Variants in KCNC2 observed in about 807,000 individuals in gnomAD.
KCNC2 encodes the protein voltage-gated potassium channel KCNC2.
In KCNC2, 21 loss-of-function variants were observed where a neutral mutation model predicts 44.5. The ratio of observed to expected loss-of-function variants is 0.47; its 90% confidence interval spans 0.33 to 0.68. KCNC2 has a LOEUF of 0.68. KCNC2 is among the 30% of genes least tolerant of loss of function. The pLI, the probability that KCNC2 is intolerant of heterozygous loss-of-function variation, is 0.01. For missense variants in KCNC2, 589 were observed against 826.2 expected, an observed-to-expected ratio of 0.71 and a Z score of 3.52; for synonymous variants, 391 against 339.1, an observed-to-expected ratio of 1.15 and a Z score of -1.68.
In KCNC2 at chr12:75,050,988, A is replaced by G. The variant is rs1380631653; in HGVS notation, c.1017T>C (p.Ala339=). 1.9e-6 allele frequency: 3 copies of G among 1,613,880 alleles called. No individual in the cohort carries two copies. Among genetic ancestry groups the G allele is most frequent in the Non-Finnish European group, 2.5e-6 (3 of 1,179,872 alleles). ...EVGLSGLSSK[A]AKDVLGFLRV... is the part of the protein sequence containing the mutation. ...TGAGGAAGCCAAGCACATCTTTAGC[A>G]GCTTTGGATGACAGCCCACTGAGTC... The change falls in exon 3 of 5, where the codon GCT becomes GCC. Residue 339 remains alanine (A), a synonymous_variant. Coordinates refer to ENST00000549446, the MANE Select transcript of KCNC2 (RefSeq NM_139137.4).
intron 2 of KCNC2, among the ~76,000 whole-genome samples, chr12:75,062,749 T>A (rs1191516505): frequency 1.3e-5 from 2 of 152,040 alleles, no homozygotes; most frequent in African/African-American, 4.8e-5. Context: ...TTGTCCTTGA[T>A]ATAGAGACAA....
At chr12:75,045,258 T>C (rs1242778120) in intron 4 of KCNC2, among the ~76,000 whole-genome samples, 1 of 151,998 alleles carries the variant, frequency 6.6e-6, no homozygotes, top group Non-Finnish European at 1.5e-5. Context: ...CCCAGAAAGA[T>C]AAAATTCTCT....
At chr12:75,084,412 C>T (rs762701658) in intron 2 of KCNC2, among the ~76,000 whole-genome samples, 1 of 151,858 alleles carries the variant, frequency 6.6e-6, no homozygotes, top group Non-Finnish European at 1.5e-5. Context: ...AGAATTCCCA[C>T]GTGTTGCAGG....
rs17114707 is a variant in KCNC2 at position 75,128,923 on chromosome 12, C to A, written c.688-77606G>T. Among the ~76,000 whole-genome samples, 203 of 152,276 alleles carry A rather than the reference C, an allele frequency of 1.3e-3. 1 individual carries two copies. The highest frequency in any genetic ancestry group is 4.6e-3 in the African/African-American group (193 of 41,554). On this transcript the variant is annotated intron_variant, in intron 2 of 4. Coordinates refer to ENST00000549446, the MANE Select transcript of KCNC2 (RefSeq NM_139137.4). ...TCTCAGCATTTCAATTGATATTGAT[C>A]CCTGAAACTAAGGTCAGGCTGTCAC...
At chr12:75,196,522 A>T (rs143518505) in intron 2 of KCNC2, among the ~76,000 whole-genome samples, 161 of 152,226 alleles carry the variant, frequency 1.1e-3, no homozygotes, top group African/African-American at 3.8e-3. Flanking sequence ...TTCTAGAACC[A>T]GGTCTGGATT....
At chr12:75,080,214 A>G (rs1438750994) in intron 2 of KCNC2, among the ~76,000 whole-genome samples, 3 of 152,142 alleles carry the variant, frequency 2.0e-5, no homozygotes, top group Non-Finnish European at 4.4e-5. Context: ...TTAATCACAA[A>G]TGTAGAAAAG....
intron 2 of KCNC2, among the ~76,000 whole-genome samples, chr12:75,201,677 T>G (rs1419926668): frequency 6.6e-6 from 1 of 151,814 alleles, no homozygotes; most frequent in African/African-American, 2.4e-5. Flanking sequence ...CTATTCACTT[T>G]CTATGAAAAT....
intron 2 of KCNC2, among the ~76,000 whole-genome samples, chr12:75,111,442 A>T (rs1224078736): frequency 6.6e-6 from 1 of 152,114 alleles, no homozygotes; most frequent in Non-Finnish European, 1.5e-5. Flanking sequence ...CATTATGAAC[A>T]ATTGTGTACA....
At chr12:75,136,956 ACT>A (rs1409592774) in intron 2 of KCNC2, among the ~76,000 whole-genome samples, 3 of 151,710 alleles carry the variant, frequency 2.0e-5, no homozygotes, top group Admixed American at 6.6e-5. Context: ...CCATTGCCAC[ACT>A]CTCTCCTCTT....
intron 2 of KCNC2, among the ~76,000 whole-genome samples, chr12:75,169,513 T>A (rs879880691): frequency 5.3e-5 from 8 of 151,564 alleles, no homozygotes; most frequent in Non-Finnish European, 1.0e-4. Context: ...AAGATTACTA[T>A]GTCCCTCGGG....
intron 2 of KCNC2, among the ~76,000 whole-genome samples, chr12:75,054,914 T>C (rs1881577501): frequency 6.6e-6 from 1 of 152,194 alleles, no homozygotes; most frequent in African/African-American, 2.4e-5. Flanking sequence ...AAAGACTTGG[T>C]GCGCTTTATC....
At chr12:75,102,771 GTGGGCT>G (rs1886473420) in intron 2 of KCNC2, among the ~76,000 whole-genome samples, 1 of 152,018 alleles carries the variant, frequency 6.6e-6, no homozygotes, top group Admixed American at 6.6e-5. Context: ...TGAGCTTTGA[GTGGGCT>G]TTAGAGAGTG....
At chr12:75,178,222 C>T (rs1159815334) in intron 2 of KCNC2, among the ~76,000 whole-genome samples, 1 of 152,106 alleles carries the variant, frequency 6.6e-6, no homozygotes, top group South Asian at 2.1e-4. Flanking sequence ...AAGACATGTA[C>T]ATCTGTGCTT....
chr12:75,134,675 A>G (rs1184108332), intron 2 of KCNC2, among the ~76,000 whole-genome samples: 4 of 151,950 alleles, frequency 2.6e-5, no homozygotes, highest in Non-Finnish European at 4.4e-5. Context: ...AAGATAAAAA[A>G]TGCTTTTAAA....
At chr12:75,189,812 G>A (rs2030021728) in intron 2 of KCNC2, among the ~76,000 whole-genome samples, 1 of 152,124 alleles carries the variant, frequency 6.6e-6, no homozygotes, top group Admixed American at 6.5e-5. Context: ...AGCAATAGAG[G>A]GTTGTCAGCT....
intron 2 of KCNC2, among the ~76,000 whole-genome samples, chr12:75,162,632 C>A (rs941424034): frequency 1.3e-5 from 2 of 151,672 alleles, no homozygotes; most frequent in African/African-American, 2.4e-5. Context: ...ATCAGATAAC[C>A]AAGCCTGCTA....
intron 2 of KCNC2, among the ~76,000 whole-genome samples, chr12:75,093,058 A>T (rs1247213765): frequency 6.8e-6 from 1 of 147,814 alleles, no homozygotes; most frequent in East Asian, 2.0e-4. Context: ...TGTTTCTTCT[A>T]TATCTAAAAC....
chr12:75,198,050 A>G (rs977775154), intron 2 of KCNC2, among the ~76,000 whole-genome samples: 25 of 151,964 alleles, frequency 1.6e-4, no homozygotes, highest in African/African-American at 5.8e-4. Context: ...TATAGAAAAC[A>G]TGAGGCAATT....
intron 2 of KCNC2, among the ~76,000 whole-genome samples, chr12:75,206,673 G>A: frequency 6.6e-6 from 1 of 152,164 alleles, no homozygotes; most frequent in Admixed American, 6.5e-5. Flanking sequence ...GTCAACTCAC[G>A]GAAACAATCC....
Sources: allele counts gnomAD v4.1 joint callset (sites outside exome capture counted in the v4.1 genomes callset), GRCh38; gene constraint gnomAD v4.1.1; transcripts MANE v1.5; gene names NCBI Gene and HGNC (gene_info 2026-07-23, HGNC 2026-07-21).